The following GTF2I variants were observed in gnomAD, a reference collection of about 807,000 sequenced individuals.
The protein encoded by GTF2I is general transcription factor IIi, also known as general transcription factor II-I.
GTF2I carries 12 observed loss-of-function variants against 67.6 expected under a neutral mutation model. That is an observed-to-expected ratio of 0.18 (90% CI 0.11 to 0.29). The LOEUF (loss-of-function observed/expected upper bound fraction) is 0.29, where lower values mean the gene tolerates loss of function less well. Ranked by LOEUF, GTF2I falls within the 10% of genes least tolerant of loss-of-function variation. The pLI, the probability that GTF2I is intolerant of heterozygous loss-of-function variation, is 1.00. For missense variants in GTF2I, 271 were observed against 580.1 expected, an observed-to-expected ratio of 0.47 and a Z score of 5.47; for synonymous variants, 149 against 197.0, an observed-to-expected ratio of 0.76 and a Z score of 2.04.
At chr7:74,683,921 G>A (rs782477934) in intron 1 of GTF2I, among the ~76,000 whole-genome samples, 8 of 151,922 alleles carry the variant, frequency 5.3e-5, no homozygotes, top group Non-Finnish European at 4.4e-5. Context: ...AGAGCAAAAT[G>A]TCCTCATTTT....
intron 12 of GTF2I, chr7:74,728,166 G>T (rs952670904): frequency 3.9e-5 from 6 of 152,388 alleles, no homozygotes; most frequent in African/African-American, 1.4e-4. Flanking sequence ...GCCGGGCGCG[G>T]TGGCGGGTGC....
At chr7:74,661,204 G>A (rs1173053917) in intron 1 of GTF2I, among the ~76,000 whole-genome samples, 2 of 152,048 alleles carry the variant, frequency 1.3e-5, no homozygotes, top group Non-Finnish European at 2.9e-5. Flanking sequence ...TCTGCTTGCT[G>A]GGCCCTACCT....
intron 14 of GTF2I, among the ~76,000 whole-genome samples, chr7:74,732,138 T>TATAC (rs1366369724): frequency 3.9e-4 from 55 of 139,398 alleles, no homozygotes; most frequent in South Asian, 3.4e-3. Flanking sequence ...CATATACACA[T>TATAC]ATACATATAT....
intron 12 of GTF2I, among the ~76,000 whole-genome samples, chr7:74,723,497 C>G (rs897943026): frequency 1.5e-4 from 19 of 129,058 alleles, no homozygotes; most frequent in African/African-American, 4.9e-4. Context: ...GTGACCTGAT[C>G]TCGGTTCTCC....
chr7:74,672,563 A>AC (rs1429193905), intron 1 of GTF2I, among the ~76,000 whole-genome samples: 2 of 152,054 alleles, frequency 1.3e-5, no homozygotes, highest in African/African-American at 2.4e-5. Context: ...AAACAAACAA[A>AC]AAAAAACACA....
At chr7:74,716,691 A>G (rs1562971153) in intron 10 of GTF2I, 1 of 486,110 alleles carries the variant, frequency 2.1e-6, no homozygotes, top group African/African-American at 1.9e-5. Context: ...GTGTTTTCAA[A>G]TAATTTTTTT....
chr7:74,691,318 T>C (rs1788283928), intron 3 of GTF2I, among the ~76,000 whole-genome samples: 1 of 151,984 alleles, frequency 6.6e-6, no homozygotes. Context: ...GTGATTCTCC[T>C]GCCTCAGCCT....
chr7:74,680,724 A>T (rs963291890), intron 1 of GTF2I, among the ~76,000 whole-genome samples: 1 of 151,206 alleles, frequency 6.6e-6, no homozygotes, highest in Non-Finnish European at 1.5e-5. Context: ...CAGGCAACAG[A>T]GTGAGACTTT....
At chr7:74,722,313 C>T (rs1243688834) in intron 12 of GTF2I, among the ~76,000 whole-genome samples, 3 of 152,124 alleles carry the variant, frequency 2.0e-5, no homozygotes, top group Non-Finnish European at 2.9e-5. Flanking sequence ...TTTGGGAAAT[C>T]GGCCTTGGAC....
At chr7:74,700,869 C>T (rs1274657236) in intron 6 of GTF2I, among the ~76,000 whole-genome samples, 4 of 152,214 alleles carry the variant, frequency 2.6e-5, no homozygotes, top group Non-Finnish European at 5.9e-5. Flanking sequence ...TACATCTGCC[C>T]TCACTTACCA....
intron 1 of GTF2I, among the ~76,000 whole-genome samples, chr7:74,668,546 G>A (rs1805186951): frequency 6.6e-6 from 1 of 151,764 alleles, no homozygotes. Context: ...TCCATACACA[G>A]TCCTTAAAGA....
chr7:74,704,979 A>C (rs1790423413), intron 6 of GTF2I, among the ~76,000 whole-genome samples, 185 bp from the exon 7 acceptor site: 1 of 152,122 alleles, frequency 6.6e-6, no homozygotes, highest in African/African-American at 2.4e-5. Flanking sequence ...TCACTGATGA[A>C]AATAAGAGCT....
chr7:74,718,959 C>A lies in GTF2I; in HGVS notation c.943+18C>A. On this transcript the variant is annotated intron_variant, in intron 12 of 34. Transcript: ENST00000573035. The stretch of plus-strand genomic sequence containing the variant: ...TATTGAAGGTTAGTTATCTAAAAGC[C>A]TTGATTCCAAAGTTTACTTCTGGTC... 1 of 1,392,676 alleles carries A rather than the reference C, an allele frequency of 7.2e-7. No individual in the cohort carries two copies. The highest frequency in any genetic ancestry group is 1.3e-5 in the South Asian group (1 of 78,236). 86.3% of individuals were successfully genotyped at this position (1,392,676 alleles called of 1,614,324 possible).
chr7:74,711,995 G>T (rs1238824609), intron 9 of GTF2I, among the ~76,000 whole-genome samples: 6 of 149,412 alleles, frequency 4.0e-5, no homozygotes, highest in Admixed American at 1.3e-4. Flanking sequence ...TGTTGCCCAG[G>T]CTGGAGTGCA....
At chr7:74,688,580 C>T (rs144931646) in intron 1 of GTF2I, among the ~76,000 whole-genome samples, 6 of 152,292 alleles carry the variant, frequency 3.9e-5, no homozygotes, top group Non-Finnish European at 8.8e-5. Flanking sequence ...CCTCAGCCTC[C>T]CAAAGTGCTG....
chr7:74,719,379 G>A (rs1400800708), intron 12 of GTF2I, among the ~76,000 whole-genome samples: 4 of 152,096 alleles, frequency 2.6e-5, no homozygotes, highest in South Asian at 2.1e-4. Context: ...TCAACGACCC[G>A]CAAATACTAC....
At chr7:74,726,026 T>C (rs1793734134) in intron 12 of GTF2I, among the ~76,000 whole-genome samples, 1 of 152,194 alleles carries the variant, frequency 6.6e-6, no homozygotes, top group South Asian at 2.1e-4. Context: ...CTGAGATCCA[T>C]GGGATGGAGC....
In GTF2I at chr7:74,700,260, C is replaced by T; in HGVS notation, c.387C>T (p.Gly129=). The change falls in exon 5 of 35, where the codon GGC becomes GGT. Residue 129 remains glycine (G), a synonymous_variant. Coordinates refer to ENST00000573035, the MANE Select transcript of GTF2I (RefSeq NM_032999.4). ...CATCTGCCCCAGGGAAAGCTTTAGG[C>T]AAATCCACAGTGGTACCTGTACCAT... is the stretch of plus-strand genomic sequence containing the variant. ...YFCFCYGKAL[G]KSTVVPVPYE... The T allele has an allele frequency of 6.2e-7, 1 of 1,613,956 alleles. No individual in the cohort carries two copies.
intron 1 of GTF2I, among the ~76,000 whole-genome samples, chr7:74,666,937 A>G (rs897731641): frequency 6.6e-6 from 1 of 151,974 alleles, no homozygotes; most frequent in Admixed American, 6.6e-5. Context: ...CTGAGATCGC[A>G]CCACTGCACT....
Sources: allele counts gnomAD v4.1 joint callset (sites outside exome capture counted in the v4.1 genomes callset), GRCh38; gene constraint gnomAD v4.1.1; transcripts MANE v1.5; gene names NCBI Gene and HGNC (gene_info 2026-07-23, HGNC 2026-07-21).